Variants in WDFY4 observed in about 807,000 individuals in gnomAD.
WDFY4 encodes WDFY family member 4.
Under a neutral mutation model 351.9 loss-of-function variants are expected in WDFY4, and 169 were observed. The ratio of observed to expected loss-of-function variants is 0.48; its 90% CI spans 0.42 to 0.55. The LOEUF is 0.55. Among genes scored for constraint, WDFY4 ranks in the 20% least tolerant of loss-of-function variants. The probability of loss-of-function intolerance (pLI) is 0.00; values close to 1 mark genes in which losing one functional copy is unlikely to be tolerated. For missense variants in WDFY4, 3,803 were observed against 3,935.6 expected (o/e 0.97, Z 0.90); for synonymous variants, 1,622 against 1,574.6 (o/e 1.03, Z -0.71).
chr10:48,798,610 AATC>A (rs1311077222), intron 24 of WDFY4, among the ~76,000 whole-genome samples: 6 of 152,210 alleles, frequency 3.9e-5, no homozygotes, highest in African/African-American at 1.4e-4. Flanking sequence ...ATGATCCTAG[AATC>A]ATCAAGTAAA....
At chr10:48,865,987 A>T (rs964659786) in intron 39 of WDFY4, among the ~76,000 whole-genome samples, 3 of 152,076 alleles carry the variant, frequency 2.0e-5, no homozygotes, top group East Asian at 1.9e-4. Context: ...TTCTTGGTCA[A>T]CCTAGCTAAA....
chr10:48,867,366 C>A, intron 40 of WDFY4, 24 bp downstream of exon 40: 7 of 1,414,790 alleles, frequency 4.9e-6, no homozygotes, highest in Non-Finnish European at 5.6e-6. Flanking sequence ...CATAGGCTTT[C>A]TCTATACAGC....
At chr10:48,791,999 T>C (rs2066698416) in intron 23 of WDFY4, among the ~76,000 whole-genome samples, 2 of 152,170 alleles carry the variant, frequency 1.3e-5, no homozygotes, top group South Asian at 4.1e-4. Flanking sequence ...CAAAGGCATC[T>C]GATTACCGAT....
chr10:48,743,656 G>A, intron 12 of WDFY4, 108 bp downstream of exon 12: 2 of 1,278,820 alleles, frequency 1.6e-6, no homozygotes, highest in East Asian at 5.1e-5. Flanking sequence ...GAATGGGTGT[G>A]CAGAAATGTC....
chr10:48,743,148 G>A lies in WDFY4; in HGVS notation c.2059G>A (p.Ala687Thr), dbSNP rs1565151713. 2.6e-6 allele frequency: 4 copies of A among 1,551,664 alleles called. No homozygotes were observed. The highest frequency in any genetic ancestry group is 3.5e-6 in the Non-Finnish European group (4 of 1,146,988). Residue 687 changes from alanine to threonine, a missense_variant, in exon 12 of 62, where the codon GCT (alanine) becomes ACT (threonine). By Grantham distance (58) the Ala-to-Thr change is moderately conservative. This residue lies in a region of WDFY4 where 3,054 missense variants were observed against 3,148.6 expected (regional missense o/e 0.97). Transcript: ENST00000325239. ...GGAGCTGGTTTTGTACACTCTCTGT[G>A]CTGTGTCCGCAGCGCTGCACTGGGA... ...TLELVLYTLC[A>T]VSAALHWDPV...
chr10:48,785,324 A>G (rs967706982), intron 19 of WDFY4, among the ~76,000 whole-genome samples: 2 of 152,206 alleles, frequency 1.3e-5, no homozygotes, highest in South Asian at 2.1e-4. Context: ...CCTCTTTCAC[A>G]TGGGTAAAAT....
rs1554805274 is a variant in WDFY4, at chr10:48,901,874, G to A, written c.7586+11G>A. 1 of 1,551,050 alleles carries A rather than the reference G, an allele frequency of 6.4e-7. No individual in the cohort carries two copies. Among genetic ancestry groups the A allele is most frequent in the South Asian group, 1.2e-5 (1 of 84,046 alleles). On this transcript the variant is annotated intron_variant, in intron 47 of 61. Coordinates refer to ENST00000325239, the MANE Select transcript of WDFY4 (RefSeq NM_001394531.1). ...CACCCTCAGTCTAAGGTAATGGCGG[G>A]TAGCCATGCTGTCTGGGCATGGCAC...
At chr10:48,938,759 G>C (rs1470651703) in intron 47 of WDFY4, among the ~76,000 whole-genome samples, 2 of 152,158 alleles carry the variant, frequency 1.3e-5, no homozygotes, top group African/African-American at 4.8e-5. Context: ...GAAGCAGGAT[G>C]GGTGTAAATG....
At chr10:48,913,453 T>C (rs763044955) in intron 47 of WDFY4, 2 of 1,613,592 alleles carry the variant, frequency 1.2e-6, no homozygotes, top group East Asian at 2.2e-5. Context: ...GGAAAGATGG[T>C]CTTTCTCGGT....
chr10:48,928,102 C>T (rs1190739891), intron 47 of WDFY4, among the ~76,000 whole-genome samples: 2 of 152,152 alleles, frequency 1.3e-5, no homozygotes, highest in African/African-American at 4.8e-5. Context: ...GTTATTTTGT[C>T]TTCTCCTCAC....
rs2069589675 is a variant in WDFY4 at position 48,867,445 on chromosome 10, C to T, written c.6741+103C>T. 7.6e-6 allele frequency: 5 copies of T among 655,078 alleles called. No individual in the cohort carries two copies. In the East Asian group the frequency reaches 1.6e-4, roughly 21 times the overall value. 40.6% of individuals were successfully genotyped at this position (655,078 alleles called of 1,614,324 possible). The stretch of plus-strand genomic sequence containing the variant: ...TTTGGTTTACGTTCTGGATTGCTCA[C>T]CAGGCTTGCACCATGTTGGGGTTTT... On this transcript the variant is annotated intron_variant, in intron 40 of 61. Transcript: ENST00000325239.
At position 48,684,943 on chromosome 10, in the gene WDFY4, C is replaced by T. The variant is rs930651006; in HGVS notation, c.-76C>T. The stretch of plus-strand genomic sequence containing the variant: ...TTCCCCCGAGCCTGAGGGGCTGCAG[C>T]TGGGGATAGGGGGCCCATGCCTTCT... On this transcript the variant is annotated 5_prime_UTR_variant, in exon 1 of 62. Coordinates refer to ENST00000325239, the MANE Select transcript of WDFY4 (RefSeq NM_001394531.1). 6.6e-6 allele frequency: 1 copy of T among 152,554 alleles called. No homozygotes were observed. Among genetic ancestry groups the T allele is most frequent in the African/African-American group, 2.4e-5 (1 of 41,474 alleles). 9.5% of individuals were successfully genotyped at this position (152,554 alleles called of 1,614,324 possible).
chr10:48,858,694 T>G (rs1218165932), intron 39 of WDFY4, among the ~76,000 whole-genome samples: 17 of 152,164 alleles, frequency 1.1e-4, no homozygotes, highest in Non-Finnish European at 1.5e-4. Flanking sequence ...TCCTAGTCCC[T>G]TTTCCAATTG....
chr10:48,702,609 G>A (rs2063510820), intron 1 of WDFY4, among the ~76,000 whole-genome samples: 1 of 152,144 alleles, frequency 6.6e-6, no homozygotes, highest in South Asian at 2.1e-4. Context: ...ATGGATGGAT[G>A]ATGGACCTGA....
At chr10:48,685,620 G>T (rs919190392) in intron 1 of WDFY4, among the ~76,000 whole-genome samples, 1 of 152,152 alleles carries the variant, frequency 6.6e-6, no homozygotes, top group Non-Finnish European at 1.5e-5. Flanking sequence ...CCTAAGCAGG[G>T]CCACCTGCTC....
chr10:48,900,442 G>A (rs1169533308), intron 46 of WDFY4, 136 bp downstream of exon 46: 4 of 751,668 alleles, frequency 5.3e-6, no homozygotes, highest in East Asian at 2.9e-5. Context: ...GCCCAGGGAG[G>A]CACTGCTGGC....
In WDFY4 at chr10:48,743,539, T is replaced by G. The variant is rs1392294053; in HGVS notation, c.2450T>G (p.Leu817Arg). 6.5e-7 allele frequency: 1 copy of G among 1,532,492 alleles called. No homozygotes were observed. The highest frequency in any genetic ancestry group is 2.0e-5 in the Admixed American group (1 of 50,878). 94.9% of individuals were successfully genotyped at this position (1,532,492 alleles called of 1,614,324 possible). A position where few individuals can be genotyped will look rare whatever the true frequency, so the allele number is the denominator to read the frequency against. Residue 817 changes from leucine (L) to arginine (R), a missense_variant, in exon 12 of 62, where the codon CTG (leucine) becomes CGG (arginine). Physicochemically the swap from Leu to Arg is moderately radical, Grantham distance 102. Around this residue, in one of 3 missense-constraint regions of WDFY4, gnomAD observed 3,054 missense variants for 3,148.6 expected, o/e 0.97. Transcript: ENST00000325239. ...CGCAACTTCAAGCAGTGGCCAGACC[T>G]GGAGGAGAGGTAGCTTCTTCTGCCA... ...PQRNFKQWPD[L>R]EERMDEGDAA...
chr10:48,829,619 G>A (rs2068119868), intron 37 of WDFY4, among the ~76,000 whole-genome samples: 1 of 152,154 alleles, frequency 6.6e-6, no homozygotes, highest in Non-Finnish European at 1.5e-5. Context: ...GGAGGCCAAG[G>A]CGGGTGGATC....
At chr10:48,942,375 T>TGC (rs1194101910) in intron 48 of WDFY4, among the ~76,000 whole-genome samples, 5 of 22,860 alleles carry the variant, frequency 2.2e-4, no homozygotes, top group East Asian at 0.017. Flanking sequence ...AATGTGCGTG[T>TGC]GTGCGTGTGT....
Sources: gnomAD v4.1 joint callset for allele counts (sites outside exome capture counted in the v4.1 genomes callset) on GRCh38, gnomAD v4.1.1 for gene constraint, gnomAD v4.1.1 regional missense constraint, MANE v1.5 for transcripts, NCBI Gene and HGNC (gene_info 2026-07-23, HGNC 2026-07-21) for gene names.